IWS1: variants seen among roughly 807,000 people sequenced by gnomAD.
IWS1 encodes the protein interacts with SUPT6H, CTD assembly factor 1, also known as protein IWS1 homolog.
Under a neutral mutation model 86.7 loss-of-function variants are expected in IWS1, and 27 were observed. The ratio of observed to expected loss-of-function variants is 0.31; its 90% confidence interval spans 0.23 to 0.43. IWS1 has a LOEUF of 0.43. Ranked by LOEUF, IWS1 falls within the 20% of genes least tolerant of loss-of-function variation. The pLI is 1.00. For synonymous variants in IWS1, 313 were observed against 335.1 expected (o/e 0.93, Z 0.72); for missense variants, 827 against 1,000.8 (o/e 0.83, Z 2.34).
intron 13 of IWS1, chr2:127,482,585 A>T (rs1689688638): frequency 6.6e-6 from 1 of 152,440 alleles, no homozygotes; most frequent in African/African-American, 2.4e-5. Flanking sequence ...AATCTCTGCC[A>T]ACTACACAAT....
intron 2 of IWS1, chr2:127,506,560 A>T (rs1691162226): frequency 6.4e-6 from 1 of 156,796 alleles, no homozygotes; most frequent in African/African-American, 2.4e-5. Flanking sequence ...AAGATAATTT[A>T]AGCAAACAAA....
intron 9 of IWS1, among the ~76,000 whole-genome samples, chr2:127,492,351 C>A (rs949655042): frequency 2.6e-5 from 4 of 151,938 alleles, no homozygotes; most frequent in Non-Finnish European, 5.9e-5. Context: ...TCAAGACCAG[C>A]CTGGCCAACA....
intron 7 of IWS1, among the ~76,000 whole-genome samples, chr2:127,495,180 TGA>T (rs1690450549): frequency 2.0e-5 from 3 of 152,062 alleles, no homozygotes; most frequent in Admixed American, 1.3e-4. Flanking sequence ...AACTACAAAT[TGA>T]GAGAAACAAT....
chr2:127,521,910 G>A (rs932298961), intron 2 of IWS1, among the ~76,000 whole-genome samples: 7 of 152,094 alleles, frequency 4.6e-5, no homozygotes, highest in Non-Finnish European at 7.4e-5. Flanking sequence ...CTACCCTACT[G>A]GGCTCTAAAC....
At position 127,480,966 on chromosome 2, in the gene IWS1, G is replaced by A; in HGVS notation, c.*78C>T. 1 of 1,487,052 alleles carries A rather than the reference G, an allele frequency of 6.7e-7. No homozygotes were observed. Among genetic ancestry groups the A allele is most frequent in the Non-Finnish European group, 9.1e-7 (1 of 1,103,642 alleles). The allele number at this position is 1,487,052 out of a possible 1,614,324, so 92.1% of individuals were successfully genotyped here. On this transcript the variant is annotated 3_prime_UTR_variant, in exon 14 of 14. Transcript: ENST00000295321. ...AACCATTTACAGACACACTAAAAAT[G>A]TTTTAAAATATCTTCTTTCTCCAAA...
At position 127,494,983 on chromosome 2, in the gene IWS1, T is replaced by G. The variant is rs758371803; in HGVS notation, c.1717-29A>C. 1.4e-5 allele frequency: 19 copies of G among 1,368,848 alleles called. 1 individual carries two copies. The Middle Eastern group carries it at 1.2e-3, about 89-fold the overall frequency. The allele number at this position is 1,368,848 out of a possible 1,614,324, so 84.8% of individuals were successfully genotyped here. A position where few individuals can be genotyped will look rare whatever the true frequency, so the allele number is the denominator to read the frequency against. ...TTCAGAAAAAAAATAAAGATTTTTT[T>G]TTAAAACAGTACTTTTTATTAATAT... On this transcript the variant is annotated intron_variant, in intron 7 of 13. Transcript: ENST00000295321.
intron 3 of IWS1, among the ~76,000 whole-genome samples, chr2:127,503,816 G>A (rs184218173): frequency 7.9e-5 from 12 of 152,132 alleles, no homozygotes; most frequent in Non-Finnish European, 1.5e-4. Flanking sequence ...AAGAAAAACT[G>A]GCCAAAAGAT....
intron 12 of IWS1, among the ~76,000 whole-genome samples, chr2:127,488,663 T>A (rs545674087): frequency 6.6e-6 from 1 of 152,286 alleles, no homozygotes; most frequent in East Asian, 1.9e-4. Context: ...TGGCTTCACA[T>A]CCAGCCTCAA....
In IWS1 at chr2:127,522,500, G is replaced by A. The variant is rs535425904; in HGVS notation, c.150+1176C>T. Among the ~76,000 whole-genome samples, 41 of 152,296 alleles carry A rather than the reference G, an allele frequency of 2.7e-4. 1 individual carries two copies. In the South Asian group the frequency reaches 8.5e-3, roughly 32 times the overall value. ...AAGAAGAGAAGGATTTTAACTTCTA[G>A]TCACTGATAAGTCCAAAGCACCTGC... On this transcript the variant is annotated intron_variant, in intron 2 of 13. Transcript: ENST00000295321.
chr2:127,526,119 GC>G, intron 1 of IWS1, 55 bp downstream of exon 1: 6 of 1,532,588 alleles, frequency 3.9e-6, no homozygotes, highest in South Asian at 1.2e-5. Context: ...GCCAGGCCAA[GC>G]CCCGCCGAGT....
intron 2 of IWS1, among the ~76,000 whole-genome samples, chr2:127,523,264 C>A (rs911118714): frequency 2.0e-5 from 3 of 152,106 alleles, no homozygotes; most frequent in Non-Finnish European, 4.4e-5. Flanking sequence ...AGTTCAAAAT[C>A]AGAAGGGCAA....
In IWS1 at chr2:127,494,901, T is replaced by C; in HGVS notation, c.1770A>G (p.Leu590=). 6.2e-7 allele frequency: 1 copy of C among 1,604,580 alleles called. No individual in the cohort carries two copies. Among genetic ancestry groups the C allele is most frequent in the South Asian group, 1.1e-5 (1 of 88,990 alleles). The change falls in exon 8 of 14, where the codon TTA becomes TTG. Residue 590 remains leucine (L), a synonymous_variant. Coordinates refer to ENST00000295321, the MANE Select transcript of IWS1 (RefSeq NM_017969.3). The part of the protein sequence containing the change: ...QKKPALKKLT[L]LPAVVMHLKK... ...TAAGGTGCATAACTACAGCAGGCAGTAAAGTTAATTTTTTCAGTGCTGGCT... is the reference window on the plus strand; with the variant it reads ...TAAGGTGCATAACTACAGCAGGCAGCAAAGTTAATTTTTTCAGTGCTGGCT...
rs1691124513 is a variant in IWS1, at chr2:127,505,908, C to T, written c.151-156G>A. The T allele has an allele frequency of 4.0e-6, 2 of 495,546 alleles. No individual in the cohort carries two copies. The highest frequency in any genetic ancestry group is 7.0e-6 in the Non-Finnish European group (2 of 286,768). 30.7% of individuals were successfully genotyped at this position (495,546 alleles called of 1,614,324 possible). A position where few individuals can be genotyped will look rare whatever the true frequency, so the allele number is the denominator to read the frequency against. ...CTATACCCATATAGAAACACCCCCA[C>T]AGAAAGCCAATCAGTGAAATGGTTT... On this transcript the variant is annotated intron_variant, in intron 2 of 13. Transcript: ENST00000295321. This position sits in a 1 kb window ranked among gnomAD's most constrained non-coding sequence, Gnocchi z 5.0.
chr2:127,505,780 G>A lies in IWS1; in HGVS notation c.151-28C>T, dbSNP rs182697175. On this transcript the variant is annotated intron_variant, in intron 2 of 13. Transcript: ENST00000295321. This position sits in a 1 kb window ranked among gnomAD's most constrained non-coding sequence, Gnocchi z 5.0. ...GAAAAATAAAGTGAGAAAAAATTAG[G>A]AAAGTGCAAAAAAAAAAAAACCATT... 1,217 of 1,236,752 alleles carry A rather than the reference G, an allele frequency of 9.8e-4. 20 individuals carry two copies. In the East Asian group the frequency reaches 0.024, roughly 24 times the overall value. The allele number at this position is 1,236,752 out of a possible 1,614,324, so 76.6% of individuals were successfully genotyped here.
At chr2:127,508,705 A>T (rs1052347146) in intron 2 of IWS1, among the ~76,000 whole-genome samples, 3 of 152,218 alleles carry the variant, frequency 2.0e-5, no homozygotes, top group African/African-American at 4.8e-5. Flanking sequence ...GAACTCAAGG[A>T]TCATTTTACT....
Position 127,481,593 on chromosome 2 carries a change from G to A in IWS1, c.2329-418C>T, listed in dbSNP as rs1200865716. 2.0e-5 allele frequency among the ~76,000 whole-genome samples: 3 copies of A among 152,144 alleles called. No homozygotes were observed. The East Asian group carries it at 5.8e-4, about 29-fold the overall frequency. On this transcript the variant is annotated intron_variant, in intron 13 of 13. Transcript: ENST00000295321. ...CTGGCATAAAAAAGAATGACCTAAA[G>A]CAAAGTCAGGTCAGCTGAGAAAAAG... is the stretch of plus-strand genomic sequence containing the variant.
intron 2 of IWS1, among the ~76,000 whole-genome samples, chr2:127,519,163 A>G (rs1691947910): frequency 6.6e-6 from 1 of 152,198 alleles, no homozygotes. Flanking sequence ...CAGAGATGTT[A>G]TTAGAAATGG....
At position 127,495,985 on chromosome 2, in the gene IWS1, C is replaced by T. The variant is rs749399321; in HGVS notation, c.1716+13G>A. 12 of 1,593,042 alleles carry T rather than the reference C, an allele frequency of 7.5e-6. No homozygotes were observed. In the South Asian group the frequency reaches 1.1e-4, roughly 15 times the overall value. On this transcript the variant is annotated intron_variant, in intron 7 of 13. Transcript: ENST00000295321. ...GAGGAAAAAAAGGTGAACCTAGAAG[C>T]GACCCAGCTCACCTCAGCAGCTTCA...
At chr2:127,486,762 G>T in intron 12 of IWS1, 98 bp from the exon 13 acceptor site, 1 of 929,662 alleles carries the variant, frequency 1.1e-6, no homozygotes, top group Non-Finnish European at 1.7e-6. Context: ...CACCCATTAA[G>T]CTGCAATGTT....
Sources: allele counts gnomAD v4.1 joint callset (sites outside exome capture counted in the v4.1 genomes callset), GRCh38; gene constraint gnomAD v4.1.1; non-coding constraint Gnocchi (gnomAD v3.1); transcripts MANE v1.5; gene names NCBI Gene and HGNC (gene_info 2026-07-23, HGNC 2026-07-21).